Variants in GAPDHS observed in about 807,000 individuals in gnomAD.
GAPDHS encodes glyceraldehyde-3-phosphate dehydrogenase, spermatogenic, also known as glyceraldehyde-3-phosphate dehydrogenase, testis-specific.
In GAPDHS, 42 loss-of-function variants were observed where a neutral mutation model predicts 48.7. That is an observed-to-expected ratio of 0.86 (90% CI 0.67 to 1.12). The LOEUF (loss-of-function observed/expected upper bound fraction) is 1.12. Among genes scored for constraint, GAPDHS ranks in the 50% most tolerant of loss-of-function variants. The pLI, the probability that GAPDHS is intolerant of heterozygous loss-of-function variation, is 0.00. For missense variants in GAPDHS, 512 were observed against 557.7 expected (o/e 0.92, Z 0.82); for synonymous variants, 166 against 219.1 (o/e 0.76, Z 2.14).
At chr19:35,542,718 G>A (rs562703849) in intron 6 of GAPDHS, 110 bp downstream of exon 6, 98 of 840,996 alleles carry the variant, frequency 1.2e-4, no homozygotes, top group South Asian at 1.0e-3. Context: ...TCTCCTTCCC[G>A]AAACTATCTG....
chr19:35,543,049 G>C (rs774190733), intron 7 of GAPDHS, 23 bp downstream of exon 7: 1 of 1,561,120 alleles, frequency 6.4e-7, no homozygotes, highest in Admixed American at 1.7e-5. Context: ...TGAGGGGCTG[G>C]GGCAGGAAGG....
intron 1 of GAPDHS, among the ~76,000 whole-genome samples, chr19:35,535,200 A>G (rs1242859018): frequency 6.6e-6 from 1 of 152,062 alleles, no homozygotes; most frequent in Non-Finnish European, 1.5e-5. Context: ...CCTCTTCTCA[A>G]GCCCTCCTCT....
At chr19:35,533,861 G>A (rs1410879752) in intron 1 of GAPDHS, among the ~76,000 whole-genome samples, 1 of 152,230 alleles carries the variant, frequency 6.6e-6, no homozygotes, top group African/African-American at 2.4e-5. Context: ...AGAAACGAGG[G>A]CCATCGGAGG....
At chr19:35,533,630 GA>G in intron 1 of GAPDHS, 36 bp downstream of exon 1, 1 of 1,552,042 alleles carries the variant, frequency 6.4e-7, no homozygotes, top group Non-Finnish European at 8.8e-7. Flanking sequence ...GGGAGGGGTG[GA>G]AAGGGTAGTG....
chr19:35,537,845 C>T (rs570988678), intron 2 of GAPDHS, among the ~76,000 whole-genome samples: 3 of 152,302 alleles, frequency 2.0e-5, no homozygotes, highest in South Asian at 2.1e-4. Flanking sequence ...GAGGCCAAGG[C>T]GGGTCTATCA....
At chr19:35,543,220 G>A (rs2146297453) in intron 7 of GAPDHS, 120 bp from the exon 8 acceptor site, 2 of 1,204,800 alleles carry the variant, frequency 1.7e-6, no homozygotes, top group Non-Finnish European at 1.2e-6. Flanking sequence ...ATCCCCTCCT[G>A]TGGTCTGTGG....
At position 35,543,786 on chromosome 19, in the gene GAPDHS, A is replaced by G; in HGVS notation, c.1015A>G (p.Lys339Glu). ...CAAGGAGGCTGTAAAAGCAGCAGCC[A>G]AGGGGCCCATGGCTGGCATCCTTGC... The part of the protein sequence containing the change: ...AIKEAVKAAA[K>E]GPMAGILAYT... Residue 339 changes from lysine to glutamate, a missense_variant, in exon 9 of 11, where the codon AAG (lysine) becomes GAG (glutamate). Physicochemically the swap from Lys to Glu is moderately conservative, Grantham distance 56 (BLOSUM62 1). Transcript: ENST00000222286. The G allele has an allele frequency of 6.2e-7, 1 of 1,613,714 alleles. No homozygotes were observed. Among genetic ancestry groups the G allele is most frequent in the Non-Finnish European group, 8.5e-7 (1 of 1,179,928 alleles).
chr19:35,539,636 C>A (rs1175897587), intron 4 of GAPDHS, among the ~76,000 whole-genome samples: 2 of 152,074 alleles, frequency 1.3e-5, no homozygotes, highest in Non-Finnish European at 2.9e-5. Flanking sequence ...GCCTCCCCAG[C>A]GCCCCTCCCC....
chr19:35,537,278 G>A (rs1449245623), intron 2 of GAPDHS, among the ~76,000 whole-genome samples: 1 of 152,212 alleles, frequency 6.6e-6, no homozygotes, highest in African/African-American at 2.4e-5. Flanking sequence ...AGTGATCAGG[G>A]AAGGCCTTGG....
rs1241586182 is a variant in GAPDHS, at chr19:35,543,441, C to T, written c.843C>T (p.Ala281=). ...GTGCCCACCAGAACATCATCCCAGCCTCCACTGGGGCTGCGAAAGCTGTGA... is the reference window on the plus strand; with the variant it reads ...GTGCCCACCAGAACATCATCCCAGCTTCCACTGGGGCTGCGAAAGCTGTGA... ...GRGAHQNIIP[A]STGAAKAVTK... is the part of the protein sequence containing the mutation. Residue 281 remains alanine (A), a synonymous_variant, in exon 8 of 11, where the codon GCC becomes GCT. Transcript: ENST00000222286. 2 of 1,609,802 alleles carry T rather than the reference C, an allele frequency of 1.2e-6. No homozygotes were observed. The highest frequency in any genetic ancestry group is 1.7e-6 in the Non-Finnish European group (2 of 1,178,812).
intron 9 of GAPDHS, 40 bp from the exon 10 acceptor site, chr19:35,544,869 C>T (rs376552261): frequency 3.7e-5 from 47 of 1,256,922 alleles, no homozygotes; most frequent in Non-Finnish European, 5.2e-5. Context: ...GAGGTCCTTG[C>T]TCTGCCGGAC....
intron 1 of GAPDHS, among the ~76,000 whole-genome samples, chr19:35,535,351 C>T (rs901814041): frequency 6.6e-6 from 1 of 152,124 alleles, no homozygotes. Flanking sequence ...CTAAGCTTCC[C>T]TGAGGATAAG....
At chr19:35,533,620 G>A (rs775405904) in intron 1 of GAPDHS, 26 bp downstream of exon 1, 3 of 1,586,386 alleles carry the variant, frequency 1.9e-6, no homozygotes. Context: ...GAGGGCGCGG[G>A]GGAGGGGTGG....
intron 4 of GAPDHS, chr19:35,541,001 C>T (rs1490962827): frequency 6.6e-6 from 1 of 152,044 alleles, no homozygotes. Context: ...AAAAACTAGC[C>T]AGGTGTGGTA....
intron 9 of GAPDHS, 120 bp downstream of exon 9, chr19:35,543,947 T>C (rs2071525627): frequency 7.0e-7 from 1 of 1,431,070 alleles, no homozygotes; most frequent in Admixed American, 2.9e-5. Flanking sequence ...AAGGGAGATC[T>C]CCCTGCCTCA....
chr19:35,543,401 G>A lies in GAPDHS; in HGVS notation c.803G>A (p.Trp268Ter). 1 of 1,612,190 alleles carries A rather than the reference G, an allele frequency of 6.2e-7. No individual in the cohort carries two copies. Among genetic ancestry groups the A allele is most frequent in the East Asian group, 2.2e-5 (1 of 44,868 alleles). ...GTGGACGGGCCATCAAGGAAGGCCT[G>A]GCGAGATGGGCGGGGTGCCCACCAG... ...KTVDGPSRKA[W>*]RDGRGAHQNI... The change falls in exon 8 of 11, where the codon TGG (tryptophan) becomes TAG (stop). Residue 268 changes from tryptophan to a stop codon, truncating the protein, a stop_gained. Transcript: ENST00000222286. LOFTEE classifies it high-confidence loss of function.
At chr19:35,538,260 T>C in intron 2 of GAPDHS, 47 bp from the exon 3 acceptor site, 1 of 1,341,586 alleles carries the variant, frequency 7.5e-7, no homozygotes, top group Non-Finnish European at 1.1e-6. Flanking sequence ...GAGCCTCCTC[T>C]CCATTACCCC....
chr19:35,533,666 G>A, intron 1 of GAPDHS, 72 bp downstream of exon 1: 3 of 1,179,262 alleles, frequency 2.5e-6, no homozygotes, highest in East Asian at 4.7e-5. Context: ...CCTCACACCT[G>A]TGCCGTATCC....
At chr19:35,537,758 TC>T (rs1294373519) in intron 2 of GAPDHS, among the ~76,000 whole-genome samples, 1 of 152,086 alleles carries the variant, frequency 6.6e-6, no homozygotes, top group African/African-American at 2.4e-5. Context: ...AAATAAAAGA[TC>T]CATCCAGCTA....
Sources: gnomAD v4.1 joint callset for allele counts (sites outside exome capture counted in the v4.1 genomes callset) on GRCh38, gnomAD v4.1.1 for gene constraint, MANE v1.5 for transcripts, NCBI Gene and HGNC (gene_info 2026-07-23, HGNC 2026-07-21) for gene names.